The following SASH1 variants were observed in gnomAD, a reference collection of about 807,000 sequenced individuals.
SASH1 encodes the protein SAM and SH3 domain containing 1.
In SASH1, 44 loss-of-function variants were observed where a neutral mutation model predicts 125.2. That is an observed-to-expected ratio of 0.35 (90% CI 0.28 to 0.45). The LOEUF (loss-of-function observed/expected upper bound fraction) is 0.45, where lower values mean the gene tolerates loss of function less well. SASH1 is among the 20% of genes least tolerant of loss of function. The probability of loss-of-function intolerance (pLI) is 1.00; values close to 1 mark genes in which losing one functional copy is unlikely to be tolerated. For synonymous variants in SASH1, 639 were observed against 649.1 expected (o/e 0.98, Z 0.24); for missense variants, 1,426 against 1,614.5 (o/e 0.88, Z 2.00).
At chr6:148,518,198 T>A (rs1217174391) in intron 9 of SASH1, among the ~76,000 whole-genome samples, 1 of 152,112 alleles carries the variant, frequency 6.6e-6, no homozygotes, top group Non-Finnish European at 1.5e-5. Flanking sequence ...GCTGGTGAAT[T>A]TCTGTGAGAA....
intron 9 of SASH1, among the ~76,000 whole-genome samples, chr6:148,518,438 A>G (rs1780566850): frequency 6.6e-6 from 1 of 152,148 alleles, no homozygotes; most frequent in South Asian, 2.1e-4. Flanking sequence ...AAAGTAAGCC[A>G]TTTTTAGAAT....
intron 1 of SASH1, among the ~76,000 whole-genome samples, chr6:148,375,384 CT>C (rs5880777): frequency 0.03 from 4,388 of 144,100 alleles, 193 homozygotes; most frequent in African/African-American, 0.1. Flanking sequence ...ACATAGTTAA[CT>C]TTTTTTTTTT....
rs1035218502 is a variant in SASH1, at chr6:148,544,598, C to T, written c.3128C>T (p.Pro1043Leu). ...TGTCCCCCAGCACTGGCTCCCAGGC[C>T]TCTCTCAGGGCAGGCGCCTGGCAGC... Reference protein sequence around the residue: ...SDCPPALAPRPLSGQAPGSPP... With the variant: ...SDCPPALAPRLLSGQAPGSPP... The change falls in exon 18 of 20, where the codon CCT (proline) becomes CTT (leucine). Residue 1043 changes from proline to leucine, a missense_variant. Transcript: ENST00000367467. This position sits in a 1 kb window ranked among gnomAD's most constrained non-coding sequence, Gnocchi z 6.4. The T allele has an allele frequency of 2.5e-6, 4 of 1,613,164 alleles. No homozygotes were observed. Among genetic ancestry groups the T allele is most frequent in the African/African-American group, 2.7e-5 (2 of 74,918 alleles).
chr6:148,524,119 A>AT (rs1404681101), intron 10 of SASH1, among the ~76,000 whole-genome samples: 1,816 of 125,122 alleles, frequency 0.015, 55 homozygotes, highest in African/African-American at 0.05. Flanking sequence ...ATATATATAT[A>AT]TATTTTTTTT....
At chr6:148,358,343 C>G (rs1023304432) in intron 1 of SASH1, among the ~76,000 whole-genome samples, 2 of 152,170 alleles carry the variant, frequency 1.3e-5, no homozygotes, top group South Asian at 4.1e-4. Context: ...TTGAATCTTG[C>G]ATTTGCTGGT....
intron 8 of SASH1, among the ~76,000 whole-genome samples, chr6:148,493,179 C>T (rs1177546268): frequency 6.6e-6 from 1 of 152,160 alleles, no homozygotes. Context: ...ACACCCATGC[C>T]CACCTCTGGT....
rs541169689 is a variant in SASH1, at chr6:148,488,517, G to C, written c.729+802G>C. On this transcript the variant is annotated intron_variant, in intron 8 of 19. Transcript: ENST00000367467. ...TTGCACATACCTAGCACATACCTAGGGGTAGAATTTCTGGATCATGTAGTA... is the reference window on the plus strand; with the variant it reads ...TTGCACATACCTAGCACATACCTAGCGGTAGAATTTCTGGATCATGTAGTA... 1.9e-4 allele frequency among the ~76,000 whole-genome samples: 29 copies of C among 152,250 alleles called. 1 individual carries two copies. In the South Asian group the frequency reaches 5.8e-3, roughly 31 times the overall value.
At chr6:148,402,456 T>A (rs976402102) in intron 2 of SASH1, among the ~76,000 whole-genome samples, 1 of 151,792 alleles carries the variant, frequency 6.6e-6, no homozygotes, top group Non-Finnish European at 1.5e-5. Flanking sequence ...ATTACAGGCG[T>A]GTACCACCAT....
chr6:148,229,362 G>C, the SASH1 span, among the ~76,000 whole-genome samples: 2 of 151,890 alleles, frequency 1.3e-5, no homozygotes, highest in Non-Finnish European at 2.9e-5. Flanking sequence ...GATGCAAACT[G>C]TATTCATTTA....
chr6:148,504,425 G>A (rs567449034), intron 8 of SASH1, among the ~76,000 whole-genome samples: 1 of 152,096 alleles, frequency 6.6e-6, no homozygotes, highest in Non-Finnish European at 1.5e-5. Context: ...AGCTAATGAG[G>A]ACCAATTCCT....
chr6:148,300,232 C>T (rs1268736531), intron 1 of SASH1, among the ~76,000 whole-genome samples: 4 of 152,062 alleles, frequency 2.6e-5, no homozygotes, highest in Non-Finnish European at 5.9e-5. Context: ...TATGCTAATA[C>T]TCATTTTCAT....
chr6:148,511,077 A>G (rs1271711259), intron 8 of SASH1, among the ~76,000 whole-genome samples: 1 of 152,066 alleles, frequency 6.6e-6, no homozygotes, highest in African/African-American at 2.4e-5. Context: ...GAGAAATATG[A>G]CATGAGGAAT....
Position 148,343,170 on chromosome 6 carries a change from G to C in SASH1, c.103G>C (p.Ala35Pro), listed in dbSNP as rs1394679827. The C allele has an allele frequency of 1.6e-5, 26 of 1,600,238 alleles. No homozygotes were observed. The highest frequency in any genetic ancestry group is 2.0e-5 in the Non-Finnish European group (24 of 1,179,258). ...GCCGGAACCGGAGCCCAAGCCGGGT[G>C]CTGGCACATCCGAGGCGTTCTCCCG... ...PEPEPEPKPGAGTSEAFSRLW... is the reference protein window; with the variant it reads ...PEPEPEPKPGPGTSEAFSRLW... The change falls in exon 1 of 20, where the codon GCT (alanine) becomes CCT (proline). Residue 35 changes from alanine to proline, a missense_variant. Around this residue, in one of 3 missense-constraint regions of SASH1, gnomAD observed 567 missense variants for 575.6 expected, o/e 0.99. Coordinates refer to ENST00000367467, the MANE Select transcript of SASH1 (RefSeq NM_015278.5).
At chr6:148,521,924 A>G (rs1780836409) in intron 10 of SASH1, among the ~76,000 whole-genome samples, 1 of 152,184 alleles carries the variant, frequency 6.6e-6, no homozygotes, top group African/African-American at 2.4e-5. Context: ...AGCACCTTGA[A>G]TTGTTGATGT....
chr6:148,322,138 G>GTC (rs1231780117), intron 1 of SASH1, among the ~76,000 whole-genome samples: 1 of 152,042 alleles, frequency 6.6e-6, no homozygotes, highest in Non-Finnish European at 1.5e-5. Context: ...ATCATTTGAG[G>GTC]TCAGGAGTTC....
intron 1 of SASH1, among the ~76,000 whole-genome samples, chr6:148,379,709 T>C (rs1183976442): frequency 1.3e-5 from 2 of 152,240 alleles, no homozygotes; most frequent in Admixed American, 6.5e-5. Flanking sequence ...ATTGAGGTTA[T>C]AAAAATGAAT....
the SASH1 span, among the ~76,000 whole-genome samples, chr6:148,263,797 T>C: frequency 6.6e-6 from 1 of 152,182 alleles, no homozygotes; most frequent in Admixed American, 6.5e-5. Context: ...CACATCTAAC[T>C]CCGTGTTAGA....
At chr6:148,506,155 G>A (rs1779789305) in intron 8 of SASH1, among the ~76,000 whole-genome samples, 1 of 151,446 alleles carries the variant, frequency 6.6e-6, no homozygotes, top group Non-Finnish European at 1.5e-5. Context: ...TTGAACTCCA[G>A]TGAGTTATGA....
chr6:148,313,461 T>G (rs558729075), intron 1 of SASH1, among the ~76,000 whole-genome samples: 1 of 152,184 alleles, frequency 6.6e-6, no homozygotes, highest in Non-Finnish European at 1.5e-5. Context: ...TAAATGTTCT[T>G]CTGGGTAGAA....
Sources: gnomAD v4.1 joint callset for allele counts (sites outside exome capture counted in the v4.1 genomes callset) on GRCh38, gnomAD v4.1.1 for gene constraint, gnomAD v4.1.1 regional missense constraint, Gnocchi (gnomAD v3.1) non-coding constraint, MANE v1.5 for transcripts, NCBI Gene and HGNC (gene_info 2026-07-23, HGNC 2026-07-21) for gene names.